The following CDH20 variants were observed in gnomAD, a reference collection of about 807,000 sequenced individuals.
CDH20 encodes cadherin-20.
A neutral mutation model predicts 74.2 loss-of-function variants in CDH20; 29 were observed. The observed-to-expected ratio is 0.39, with a 90% CI of 0.29 to 0.53. The LOEUF is 0.53. Among genes scored for constraint, CDH20 ranks in the 20% least tolerant of loss-of-function variants. CDH20 has a pLI of 0.69. For missense variants in CDH20, 988 were observed against 1,048.3 expected, an observed-to-expected ratio of 0.94 and a Z score of 0.79; for synonymous variants, 469 against 405.4, an observed-to-expected ratio of 1.16 and a Z score of -1.88.
At chr18:61,538,614 G>GTTGTTTTTTTTT (rs1912907489) in intron 8 of CDH20, among the ~76,000 whole-genome samples, 1 of 57,550 alleles carries the variant, frequency 1.7e-5, no homozygotes, top group African/African-American at 5.3e-5. Flanking sequence ...TTTTGTTTTT[G>GTTGTTTTTTTTT]TTTTTGTTTT....
At chr18:61,377,224 C>T (rs767345383) in intron 1 of CDH20, among the ~76,000 whole-genome samples, 37 of 152,050 alleles carry the variant, frequency 2.4e-4, no homozygotes, top group South Asian at 4.1e-4. Context: ...GTACTTAGTA[C>T]ACCCATTCAC....
chr18:61,546,945 C>T (rs1246931887), intron 10 of CDH20, among the ~76,000 whole-genome samples: 1 of 152,212 alleles, frequency 6.6e-6, no homozygotes, highest in African/African-American at 2.4e-5. Flanking sequence ...TACTCCAACA[C>T]TTTGGGAGGC....
Position 61,555,741 on chromosome 18 carries a change from C to A in CDH20, c.*1046C>A. Reference sequence around the variant, plus strand: ...AATATGATGTACTGCATCTCAGTACCTTAGCACTTCTTTTAATAAAAGTTA... The same window carrying A: ...AATATGATGTACTGCATCTCAGTACATTAGCACTTCTTTTAATAAAAGTTA... On this transcript the variant is annotated 3_prime_UTR_variant, in exon 12 of 12. Transcript: ENST00000262717. 5 of 952,652 alleles carry A rather than the reference C, an allele frequency of 5.2e-6. No individual in the cohort carries two copies. The highest frequency in any genetic ancestry group is 6.2e-6 in the Non-Finnish European group (5 of 800,190). The allele number at this position is 952,652 out of a possible 1,614,324, so 59.0% of individuals were successfully genotyped here. A position where few individuals can be genotyped will look rare whatever the true frequency, so the allele number is the denominator to read the frequency against.
At chr18:61,361,150 C>T (rs1045788237) in intron 1 of CDH20, among the ~76,000 whole-genome samples, 1 of 152,320 alleles carries the variant, frequency 6.6e-6, no homozygotes, top group East Asian at 1.9e-4. Flanking sequence ...ATACCACTCC[C>T]TTCTCCCCTT....
chr18:61,465,864 C>A (rs372893253), intron 1 of CDH20, among the ~76,000 whole-genome samples: 1 of 151,656 alleles, frequency 6.6e-6, no homozygotes, highest in Non-Finnish European at 1.5e-5. Flanking sequence ...AAGGCTCCGA[C>A]CTGGGCAACC....
chr18:61,531,783 C>T (rs756000368), intron 7 of CDH20, among the ~76,000 whole-genome samples: 13 of 152,100 alleles, frequency 8.5e-5, no homozygotes, highest in Non-Finnish European at 1.3e-4. Flanking sequence ...TGAGTTCTCA[C>T]GAGATCTGAT....
At chr18:61,437,195 C>G (rs915375917) in intron 1 of CDH20, among the ~76,000 whole-genome samples, 10 of 152,092 alleles carry the variant, frequency 6.6e-5, no homozygotes, top group African/African-American at 1.9e-4. Context: ...AGCCTTTGAC[C>G]AGAACAAAAC....
chr18:61,461,870 G>A (rs78700570), intron 1 of CDH20, among the ~76,000 whole-genome samples: 3,379 of 152,132 alleles, frequency 0.022, 54 homozygotes, highest in African/African-American at 0.051. Context: ...AAGTTATAAA[G>A]GTTACACTCC....
At chr18:61,366,666 T>C (rs1910872076) in intron 1 of CDH20, among the ~76,000 whole-genome samples, 1 of 152,168 alleles carries the variant, frequency 6.6e-6, no homozygotes, top group Admixed American at 6.5e-5. Context: ...AATAATTTGT[T>C]ATACAAATTA....
intron 10 of CDH20, among the ~76,000 whole-genome samples, chr18:61,548,016 A>T (rs544439): frequency 0.61 from 91,927 of 151,166 alleles, 27,856 homozygotes; most frequent in Middle Eastern, 0.7. Context: ...CCAAAAAAAT[A>T]AAAAAAAAGT....
At chr18:61,458,443 A>C (rs1229630585) in intron 1 of CDH20, among the ~76,000 whole-genome samples, 2 of 152,172 alleles carry the variant, frequency 1.3e-5, no homozygotes, top group Non-Finnish European at 2.9e-5. Flanking sequence ...CTTGGAAAAT[A>C]TCTCTTCCCA....
intron 1 of CDH20, among the ~76,000 whole-genome samples, chr18:61,339,373 A>G (rs1405684585): frequency 3.3e-5 from 5 of 151,900 alleles, no homozygotes; most frequent in Admixed American, 6.6e-5. Flanking sequence ...ACACACACAC[A>G]CACACACACA....
chr18:61,342,183 CATCT>C (rs1445268106), intron 1 of CDH20, among the ~76,000 whole-genome samples: 45 of 152,242 alleles, frequency 3.0e-4, no homozygotes, highest in Admixed American at 1.2e-3. Flanking sequence ...TCTCTGGCTA[CATCT>C]ATCTATTTCA....
chr18:61,354,172 G>A (rs932540409), intron 1 of CDH20, among the ~76,000 whole-genome samples: 1 of 152,186 alleles, frequency 6.6e-6, no homozygotes, highest in East Asian at 1.9e-4. Flanking sequence ...CACTGATCTG[G>A]AACATTTCCA....
intron 7 of CDH20, among the ~76,000 whole-genome samples, chr18:61,529,757 T>C (rs1745113150): frequency 6.6e-6 from 1 of 152,220 alleles, no homozygotes; most frequent in South Asian, 2.1e-4. Flanking sequence ...AGAGAAACTT[T>C]AAAGAATAAA....
At chr18:61,416,343 A>G (rs1043521091) in intron 1 of CDH20, among the ~76,000 whole-genome samples, 1 of 152,230 alleles carries the variant, frequency 6.6e-6, no homozygotes, top group Non-Finnish European at 1.5e-5. Flanking sequence ...GGGAAAACCA[A>G]TAACATTTGC....
chr18:61,533,331 CTTAT>C (rs1912713975), intron 7 of CDH20, among the ~76,000 whole-genome samples: 1 of 151,994 alleles, frequency 6.6e-6, no homozygotes, highest in Non-Finnish European at 1.5e-5. Flanking sequence ...AAAAAAGTGA[CTTAT>C]TTAAGCCTCA....
intron 7 of CDH20, among the ~76,000 whole-genome samples, chr18:61,534,751 A>G (rs1912763080): frequency 1.3e-5 from 2 of 152,178 alleles, no homozygotes; most frequent in South Asian, 2.1e-4. Flanking sequence ...GGTAAAAAGG[A>G]AAAAGAATCA....
chr18:61,543,582 G>A (rs752179604), intron 9 of CDH20, among the ~76,000 whole-genome samples: 1 of 152,148 alleles, frequency 6.6e-6, no homozygotes, highest in Non-Finnish European at 1.5e-5. Context: ...GGCAAAACGT[G>A]GCCAGTGAGT....
Sources: allele counts gnomAD v4.1 joint callset (sites outside exome capture counted in the v4.1 genomes callset), GRCh38; gene constraint gnomAD v4.1.1; transcripts MANE v1.5; gene names NCBI Gene and HGNC (gene_info 2026-07-23, HGNC 2026-07-21).